RNGTT: variants seen among roughly 807,000 people sequenced by gnomAD.
The protein encoded by RNGTT is mRNA-capping enzyme.
A neutral mutation model predicts 79.3 loss-of-function variants in RNGTT; 33 were observed. That is an observed-to-expected ratio of 0.42 (90% CI 0.32 to 0.56). The LOEUF (loss-of-function observed/expected upper bound fraction) is 0.56. Ranked by LOEUF, RNGTT falls within the 20% of genes least tolerant of loss-of-function variation. The pLI, the probability that RNGTT is intolerant of heterozygous loss-of-function variation, is 0.17. For missense variants in RNGTT, 497 were observed against 739.1 expected, an observed-to-expected ratio of 0.67 and a Z score of 3.80; for synonymous variants, 222 against 235.9, an observed-to-expected ratio of 0.94 and a Z score of 0.54.
intron 13 of RNGTT, among the ~76,000 whole-genome samples, chr6:88,712,270 T>G (rs1234880777): frequency 6.6e-6 from 1 of 152,180 alleles, no homozygotes; most frequent in East Asian, 1.9e-4. Context: ...ATAGGAAGAA[T>G]TAATTTGGAC....
At chr6:88,742,765 A>G (rs1777536391) in intron 13 of RNGTT, among the ~76,000 whole-genome samples, 1 of 152,218 alleles carries the variant, frequency 6.6e-6, no homozygotes, top group Non-Finnish European at 1.5e-5. Flanking sequence ...CTTAAAGTGT[A>G]AAGGTGATTT....
rs147331030 is a variant in RNGTT at position 88,960,036 on chromosome 6, C to T, written c.64+3310G>A. Among the ~76,000 whole-genome samples, 338 of 152,318 alleles carry T rather than the reference C, an allele frequency of 2.2e-3. 3 individuals are homozygous for T. Among genetic ancestry groups the T allele is most frequent in the African/African-American group, 8.0e-3 (331 of 41,578 alleles). Reference sequence around the variant, plus strand: ...TTCTCTGGGAAGTCTCACCTGATCTCCTTCTTCCTTCCCATCTCTTCTTCC... The same window carrying T: ...TTCTCTGGGAAGTCTCACCTGATCTTCTTCTTCCTTCCCATCTCTTCTTCC... On this transcript the variant is annotated intron_variant, in intron 1 of 15. Coordinates refer to ENST00000369485, the MANE Select transcript of RNGTT (RefSeq NM_003800.5).
intron 4 of RNGTT, among the ~76,000 whole-genome samples, chr6:88,926,067 T>C (rs908308909): frequency 2.6e-5 from 4 of 152,252 alleles, no homozygotes; most frequent in Non-Finnish European, 5.9e-5. Context: ...ATACATGGAA[T>C]ATCCTTCTTT....
intron 14 of RNGTT, among the ~76,000 whole-genome samples, chr6:88,626,298 T>C (rs1292823202): frequency 6.6e-6 from 1 of 151,996 alleles, no homozygotes; most frequent in African/African-American, 2.4e-5. Flanking sequence ...AAATTTGAAT[T>C]CTAGGTCTTC....
chr6:88,801,857 AC>A (rs1779798694), intron 11 of RNGTT, among the ~76,000 whole-genome samples: 1 of 151,464 alleles, frequency 6.6e-6, no homozygotes, highest in South Asian at 2.1e-4. Flanking sequence ...ACACACACAC[AC>A]AAATTTCCAT....
chr6:88,611,119 A>G lies in RNGTT; in HGVS notation c.*1600T>C, dbSNP rs1186251263. The G allele has an allele frequency of 1.3e-5, 2 of 152,270 alleles. No individual in the cohort carries two copies. Among genetic ancestry groups the G allele is most frequent in the Admixed American group, 1.3e-4 (2 of 15,282 alleles). The allele number at this position is 152,270 out of a possible 1,614,324, so 9.4% of individuals were successfully genotyped here. On this transcript the variant is annotated 3_prime_UTR_variant, in exon 16 of 16. Coordinates refer to ENST00000369485, the MANE Select transcript of RNGTT (RefSeq NM_003800.5). Reference sequence around the variant, plus strand: ...TTTGGATAAATTCACTATACATTACATGACTTGGGAACAACGAAGAAAAAA... The same window carrying G: ...TTTGGATAAATTCACTATACATTACGTGACTTGGGAACAACGAAGAAAAAA...
chr6:88,746,795 GT>G (rs1251079415), intron 13 of RNGTT, among the ~76,000 whole-genome samples: 2 of 152,170 alleles, frequency 1.3e-5, no homozygotes, highest in Non-Finnish European at 2.9e-5. Context: ...GAATGATTAT[GT>G]CATGGAGAAA....
chr6:88,702,209 A>G (rs1420896500), intron 13 of RNGTT, among the ~76,000 whole-genome samples: 2 of 152,188 alleles, frequency 1.3e-5, no homozygotes, highest in African/African-American at 4.8e-5. Context: ...TTAGAAAAAA[A>G]CTATTCTAAA....
intron 2 of RNGTT, among the ~76,000 whole-genome samples, chr6:88,933,093 G>GA (rs201351131): frequency 5.0e-4 from 74 of 149,400 alleles, no homozygotes; most frequent in Middle Eastern, 6.8e-3. Flanking sequence ...GTCCCCACAG[G>GA]AAAAAAAAAG....
chr6:88,739,725 T>TTATTTTTATA (rs1777405492), intron 13 of RNGTT, among the ~76,000 whole-genome samples: 1 of 94,152 alleles, frequency 1.1e-5, no homozygotes, highest in African/African-American at 4.6e-5. Context: ...GTGAAAAAAA[T>TTATTTTTATA]TATATATATA....
At chr6:88,770,253 C>A (rs1190181441) in intron 12 of RNGTT, among the ~76,000 whole-genome samples, 1 of 151,940 alleles carries the variant, frequency 6.6e-6, no homozygotes, top group African/African-American at 2.4e-5. Flanking sequence ...AGTTACGTAA[C>A]CATGACCAAA....
At chr6:88,893,617 CAATA>C (rs1330514230) in intron 6 of RNGTT, among the ~76,000 whole-genome samples, 11 of 152,160 alleles carry the variant, frequency 7.2e-5, no homozygotes, top group Non-Finnish European at 7.4e-5. Flanking sequence ...TTAACAGAGC[CAATA>C]AATACTGAGC....
intron 14 of RNGTT, among the ~76,000 whole-genome samples, chr6:88,652,358 A>T (rs1447993148): frequency 6.6e-6 from 1 of 152,190 alleles, no homozygotes; most frequent in African/African-American, 2.4e-5. Flanking sequence ...TTTATAGGCA[A>T]TTAATTCTGT....
At chr6:88,843,149 CAAAA>C (rs34225763) in intron 11 of RNGTT, among the ~76,000 whole-genome samples, 6,013 of 129,380 alleles carry the variant, frequency 0.046, 177 homozygotes, top group African/African-American at 0.087. Context: ...GCCTACAGAT[CAAAA>C]AAAAAAAAAA....
chr6:88,789,889 C>T (rs1779348701), intron 12 of RNGTT, among the ~76,000 whole-genome samples: 1 of 152,192 alleles, frequency 6.6e-6, no homozygotes, highest in African/African-American at 2.4e-5. Flanking sequence ...CTATCCCTTT[C>T]TTGATTTACT....
At chr6:88,647,527 C>G (rs963716743) in intron 14 of RNGTT, among the ~76,000 whole-genome samples, 1 of 151,576 alleles carries the variant, frequency 6.6e-6, no homozygotes, top group African/African-American at 2.4e-5. Context: ...TTGAGACCAG[C>G]CTGGGCAACA....
At chr6:88,945,870 G>T (rs2127960539) in intron 1 of RNGTT, among the ~76,000 whole-genome samples, 1 of 152,282 alleles carries the variant, frequency 6.6e-6, no homozygotes, top group South Asian at 2.1e-4. Flanking sequence ...AGCAACTTTA[G>T]AAGTCACATG....
chr6:88,866,243 T>C (rs1782159880), intron 8 of RNGTT, among the ~76,000 whole-genome samples: 1 of 152,144 alleles, frequency 6.6e-6, no homozygotes. Context: ...TAGAGAATTA[T>C]GGAATTATCA....
intron 11 of RNGTT, among the ~76,000 whole-genome samples, chr6:88,838,713 T>C (rs1781164476): frequency 6.6e-6 from 1 of 152,154 alleles, no homozygotes; most frequent in Non-Finnish European, 1.5e-5. Flanking sequence ...TTCATTACAA[T>C]TCCAACCAAA....
Sources: allele counts gnomAD v4.1 joint callset (sites outside exome capture counted in the v4.1 genomes callset), GRCh38; gene constraint gnomAD v4.1.1; transcripts MANE v1.5; gene names NCBI Gene and HGNC (gene_info 2026-07-23, HGNC 2026-07-21).